Variants in ARHGAP15 observed in about 807,000 individuals in gnomAD.
The protein encoded by ARHGAP15 is Rho GTPase activating protein 15.
Under a neutral mutation model 63.7 loss-of-function variants are expected in ARHGAP15, and 51 were observed. The observed-to-expected ratio is 0.80, with a 90% CI of 0.64 to 1.01. The LOEUF is 1.01. Among genes scored for constraint, ARHGAP15 ranks in the 50% least tolerant of loss-of-function variants. The pLI, the probability that ARHGAP15 is intolerant of heterozygous loss-of-function variation, is 0.00. For synonymous variants in ARHGAP15, 191 were observed against 193.8 expected (o/e 0.99, Z 0.12); for missense variants, 560 against 564.6 (o/e 0.99, Z 0.08).
At chr2:143,389,581 A>G (rs1687452820) in intron 6 of ARHGAP15, among the ~76,000 whole-genome samples, 1 of 152,212 alleles carries the variant, frequency 6.6e-6, no homozygotes, top group South Asian at 2.1e-4. Context: ...GAAAATGCAA[A>G]TTGAGGCTTA....
intron 6 of ARHGAP15, among the ~76,000 whole-genome samples, chr2:143,343,145 G>C (rs942385916): frequency 2.0e-5 from 3 of 152,044 alleles, no homozygotes; most frequent in African/African-American, 7.2e-5. Flanking sequence ...TGATGTGATA[G>C]CACGAATGAT....
At chr2:143,178,278 CA>C (rs942339350) in intron 2 of ARHGAP15, among the ~76,000 whole-genome samples, 5 of 152,046 alleles carry the variant, frequency 3.3e-5, no homozygotes, top group African/African-American at 7.2e-5. Context: ...GAAAAAACTT[CA>C]AAAATTATAG....
intron 6 of ARHGAP15, among the ~76,000 whole-genome samples, chr2:143,316,086 C>G (rs1475005114): frequency 6.6e-6 from 1 of 151,408 alleles, no homozygotes; most frequent in East Asian, 1.9e-4. Context: ...AACTCTGTCT[C>G]AAAAATAAAA....
chr2:143,406,806 A>G (rs1023550855), intron 6 of ARHGAP15, among the ~76,000 whole-genome samples: 1 of 151,906 alleles, frequency 6.6e-6, no homozygotes, highest in Admixed American at 6.6e-5. Context: ...GTTCTCTGTA[A>G]GGCAATGAAC....
chr2:143,554,321 A>C (rs1052175299), intron 10 of ARHGAP15, among the ~76,000 whole-genome samples: 3 of 152,170 alleles, frequency 2.0e-5, no homozygotes, highest in Non-Finnish European at 4.4e-5. Context: ...TGTGGTGGCA[A>C]GCATCAAGGT....
intron 5 of ARHGAP15, among the ~76,000 whole-genome samples, chr2:143,229,187 A>G (rs998007121): frequency 6.6e-6 from 1 of 152,168 alleles, no homozygotes; most frequent in Admixed American, 6.5e-5. Flanking sequence ...ATTAATAAAT[A>G]ATAATAAACT....
At chr2:143,679,882 AC>A (rs1246698745) in intron 12 of ARHGAP15, among the ~76,000 whole-genome samples, 1 of 151,772 alleles carries the variant, frequency 6.6e-6, no homozygotes, top group Non-Finnish European at 1.5e-5. Context: ...TGACAAATTC[AC>A]CCTTTTGTGA....
chr2:143,394,983 G>A (rs1443468197), intron 6 of ARHGAP15, among the ~76,000 whole-genome samples: 1 of 152,128 alleles, frequency 6.6e-6, no homozygotes, highest in African/African-American at 2.4e-5. Context: ...AGAAGGCAAG[G>A]AGCAAGAAAG....
chr2:143,156,054 A>G (rs1690065944), intron 2 of ARHGAP15, among the ~76,000 whole-genome samples: 1 of 151,810 alleles, frequency 6.6e-6, no homozygotes, highest in African/African-American at 2.4e-5. Context: ...AATCTCAAAA[A>G]AAAAAATGTG....
chr2:143,457,116 AG>A (rs1441047036), intron 8 of ARHGAP15, among the ~76,000 whole-genome samples: 19 of 152,166 alleles, frequency 1.2e-4, no homozygotes, highest in Non-Finnish European at 1.9e-4. Flanking sequence ...AAAAGAAAAA[AG>A]CTCCCATCTC....
rs1574392368 is a variant in ARHGAP15, at chr2:143,398,775, C to CT, written c.475-36826_475-36825insT. 1.2e-3 allele frequency among the ~76,000 whole-genome samples: 12 copies of CT among 10,384 alleles called. 1 individual carries two copies. In the Admixed American group the frequency reaches 0.019, roughly 16 times the overall value. 6.8% of individuals were successfully genotyped at this position (10,384 alleles called of 152,430 possible). On this transcript the variant is annotated intron_variant, in intron 6 of 13. Transcript: ENST00000295095. Reference sequence around the variant, plus strand: ...GTTTATAATAAATGAAAAAAATCCTCATTTTTTTTTTTGAAATGGTTTCTG... The same window carrying CT: ...GTTTATAATAAATGAAAAAAATCCTCTATTTTTTTTTTTGAAATGGTTTCTG...
intron 5 of ARHGAP15, among the ~76,000 whole-genome samples, chr2:143,242,557 A>G (rs1221663927): frequency 6.6e-6 from 1 of 152,196 alleles, no homozygotes; most frequent in Non-Finnish European, 1.5e-5. Context: ...AAAACAAACA[A>G]AAAGCACATA....
At chr2:143,521,618 C>T (rs1029709907) in intron 10 of ARHGAP15, among the ~76,000 whole-genome samples, 2 of 152,076 alleles carry the variant, frequency 1.3e-5, no homozygotes, top group Non-Finnish European at 2.9e-5. Context: ...CAGATACTCT[C>T]CCAGCCAAGA....
intron 10 of ARHGAP15, among the ~76,000 whole-genome samples, chr2:143,530,400 A>T (rs191929652): frequency 5.3e-5 from 8 of 152,252 alleles, no homozygotes; most frequent in African/African-American, 1.9e-4. Context: ...TCTCATTTTT[A>T]ATAGGGAGAA....
At chr2:143,389,728 TA>T (rs1687457453) in intron 6 of ARHGAP15, among the ~76,000 whole-genome samples, 1 of 152,188 alleles carries the variant, frequency 6.6e-6, no homozygotes, top group African/African-American at 2.4e-5. Context: ...AGAGCTCATT[TA>T]ATGAAAGGGT....
At chr2:143,340,538 T>TTTA (rs10664700) in intron 6 of ARHGAP15, among the ~76,000 whole-genome samples, 23 of 151,628 alleles carry the variant, frequency 1.5e-4, no homozygotes, top group African/African-American at 5.6e-4. Context: ...TTTTTTTTTT[T>TTTA]AATAAATTTT....
chr2:143,143,909 C>T (rs768616870), intron 1 of ARHGAP15, among the ~76,000 whole-genome samples: 8 of 152,010 alleles, frequency 5.3e-5, no homozygotes, highest in Non-Finnish European at 1.0e-4. Context: ...TATCCTCTCC[C>T]TCTTCCCACC....
chr2:143,631,913 ATT>A (rs1427599248), intron 12 of ARHGAP15, among the ~76,000 whole-genome samples: 1 of 151,902 alleles, frequency 6.6e-6, no homozygotes, highest in Non-Finnish European at 1.5e-5. Context: ...CAGCCAGTGA[ATT>A]TTTTTTAATC....
intron 12 of ARHGAP15, among the ~76,000 whole-genome samples, chr2:143,694,568 C>T (rs568888680): frequency 1.3e-5 from 2 of 152,260 alleles, no homozygotes; most frequent in South Asian, 4.1e-4. Flanking sequence ...TTTATCACTC[C>T]CAGTTCAGAA....
Sources: allele counts gnomAD v4.1 joint callset (sites outside exome capture counted in the v4.1 genomes callset), GRCh38; gene constraint gnomAD v4.1.1; transcripts MANE v1.5; gene names NCBI Gene and HGNC (gene_info 2026-07-23, HGNC 2026-07-21).